The following MTOR variants were observed in gnomAD, a reference collection of about 807,000 sequenced individuals.
MTOR encodes the protein serine/threonine-protein kinase mTOR.
A neutral mutation model predicts 319.8 loss-of-function variants in MTOR; 70 were observed. The ratio of observed to expected loss-of-function variants is 0.22; its 90% CI spans 0.18 to 0.27. MTOR has a LOEUF of 0.27. MTOR is among the 10% of genes least tolerant of loss of function. MTOR has a pLI of 1.00. For synonymous variants in MTOR, 1,183 were observed against 1,211.4 expected (o/e 0.98, Z 0.49); for missense variants, 1,890 against 3,274.4 (o/e 0.58, Z 10.32).
chr1:11,189,556 C>T (rs1645442933), intron 28 of MTOR: 7 of 1,566,340 alleles, frequency 4.5e-6, no homozygotes, highest in Non-Finnish European at 6.0e-6. Context: ...AAGGAAGAGC[C>T]TTCCTCACCC....
At chr1:11,247,494 T>C (rs1649002432) in intron 8 of MTOR, 131 bp downstream of exon 8, 1 of 745,264 alleles carries the variant, frequency 1.3e-6, no homozygotes, top group Non-Finnish European at 2.2e-6. Flanking sequence ...AGCATTGAAA[T>C]TGGACATGAG....
At chr1:11,107,755 AG>A (rs1641648131) in intron 57 of MTOR, among the ~76,000 whole-genome samples, 1 of 152,172 alleles carries the variant, frequency 6.6e-6, no homozygotes, top group Admixed American at 6.5e-5. Flanking sequence ...AATTAATCAA[AG>A]CACACCCCAG....
At position 11,210,796 on chromosome 1, in the gene MTOR, A is replaced by T; in HGVS notation, c.3654+18T>A. ...AAAGACAACAGGGACTTCAGAACAG[A>T]AAAGAAGTATAGTTCACCTTGACAA... On this transcript the variant is annotated intron_variant, in intron 24 of 57. Coordinates refer to ENST00000361445, the MANE Select transcript of MTOR (RefSeq NM_004958.4). 1.3e-6 allele frequency: 2 copies of T among 1,568,776 alleles called. No homozygotes were observed.
chr1:11,122,038 G>A lies in MTOR; in HGVS notation c.6751C>T (p.Arg2251Trp), dbSNP rs1365408542. 6.8e-6 allele frequency: 11 copies of A among 1,614,178 alleles called. No homozygotes were observed. The highest frequency in any genetic ancestry group is 4.5e-5 in the East Asian group (2 of 44,884). ...PHCDTLHALI[R>W]DYREKKKILL... ...ATCTTCTTCTTCTCCCTGTAGTCCC[G>A]GATGAGGGCGTGCAGTGTGTCACAG... The change falls in exon 48 of 58, where the codon CGG becomes TGG. Residue 2251 changes from arginine to tryptophan, a missense_variant. Arg to Trp is a moderately radical substitution (Grantham distance 101). Around this residue, in one of 15 missense-constraint regions of MTOR, gnomAD observed 249 missense variants for 596.2 expected, o/e 0.42. Coordinates refer to ENST00000361445, the MANE Select transcript of MTOR (RefSeq NM_004958.4).
At chr1:11,116,691 G>C (rs1375918700) in intron 50 of MTOR, among the ~76,000 whole-genome samples, 2 of 152,118 alleles carry the variant, frequency 1.3e-5, no homozygotes, top group East Asian at 3.9e-4. Flanking sequence ...TTGAGATGGG[G>C]TCTTGCTATT....
rs372286764 is a variant in MTOR at position 11,132,965 on chromosome 1, A to G, written c.5364+115T>C. On this transcript the variant is annotated intron_variant, in intron 38 of 57. Transcript: ENST00000361445. ...ATAGATAGGCTCCAGGGACTCAAGG[A>G]GTAAGTTCACAGCATCAGCCTAGCT... 32 of 837,496 alleles carry G rather than the reference A, an allele frequency of 3.8e-5. No individual in the cohort carries two copies. The East Asian group carries it at 3.9e-4, about 10-fold the overall frequency. 51.9% of individuals were successfully genotyped at this position (837,496 alleles called of 1,614,324 possible). A position where few individuals can be genotyped will look rare whatever the true frequency, so the allele number is the denominator to read the frequency against.
intron 9 of MTOR, among the ~76,000 whole-genome samples, chr1:11,241,898 T>C (rs1485292635): frequency 6.6e-6 from 1 of 152,148 alleles, no homozygotes; most frequent in East Asian, 1.9e-4. Flanking sequence ...CAGTAAAGTG[T>C]CTTAAGGAAG....
At chr1:11,219,203 G>T (rs890942711) in intron 19 of MTOR, among the ~76,000 whole-genome samples, 29 of 148,762 alleles carry the variant, frequency 1.9e-4, no homozygotes, top group African/African-American at 7.0e-4. Flanking sequence ...AACAAAGTGA[G>T]ACCCTGTTTC....
intron 45 of MTOR, 59 bp from the exon 46 acceptor site, chr1:11,126,855 T>C (rs891211412): frequency 1.6e-5 from 26 of 1,588,300 alleles, no homozygotes; most frequent in Non-Finnish European, 2.2e-5. Flanking sequence ...TTAAACGCAA[T>C]TTAAGTATTT....
chr1:11,192,216 C>T (rs1645565745), intron 28 of MTOR: 2 of 1,340,504 alleles, frequency 1.5e-6, no homozygotes, highest in African/African-American at 2.9e-5. Flanking sequence ...AAACACTCAA[C>T]TCAGATGGAG....
intron 28 of MTOR, among the ~76,000 whole-genome samples, chr1:11,185,198 A>G (rs546077623): frequency 1.3e-5 from 2 of 152,080 alleles, no homozygotes; most frequent in Non-Finnish European, 2.9e-5. Context: ...GGATTGTGCA[A>G]CTTGAGTGGA....
chr1:11,184,066 CT>C (rs1200461914), intron 28 of MTOR, among the ~76,000 whole-genome samples: 1 of 152,210 alleles, frequency 6.6e-6, no homozygotes, highest in Non-Finnish European at 1.5e-5. Flanking sequence ...CTTACTGCAG[CT>C]TTATGATAAA....
chr1:11,125,645 G>A (rs764166061), intron 46 of MTOR, among the ~76,000 whole-genome samples: 36 of 150,840 alleles, frequency 2.4e-4, no homozygotes, highest in Non-Finnish European at 1.3e-4. Context: ...CACGAGAATC[G>A]CTTGAACTCA....
chr1:11,112,563 T>A (rs1449394910), intron 54 of MTOR, among the ~76,000 whole-genome samples: 4 of 152,190 alleles, frequency 2.6e-5, no homozygotes, highest in Non-Finnish European at 5.9e-5. Context: ...AAAACTAGAT[T>A]TACTTCCTTC....
At chr1:11,214,080 T>C (rs1040179649) in intron 20 of MTOR, among the ~76,000 whole-genome samples, 3 of 152,240 alleles carry the variant, frequency 2.0e-5, no homozygotes, top group Non-Finnish European at 4.4e-5. Context: ...TATTCTAGAA[T>C]GAACAGATGA....
At chr1:11,118,575 C>A (rs1303545745) in intron 49 of MTOR, among the ~76,000 whole-genome samples, 1 of 150,520 alleles carries the variant, frequency 6.6e-6, no homozygotes, top group Non-Finnish European at 1.5e-5. Context: ...ATTACCCAGG[C>A]TGGAGTGTAA....
chr1:11,177,523 A>C (rs1021749551), intron 28 of MTOR, among the ~76,000 whole-genome samples: 2 of 152,184 alleles, frequency 1.3e-5, no homozygotes, highest in African/African-American at 4.8e-5. Context: ...GCACCACTGC[A>C]CTCCAGACTG....
rs756389803 is a variant in MTOR, at chr1:11,108,172, C to A, written c.7634+9G>T. On this transcript the variant is annotated intron_variant, in intron 57 of 57. Coordinates refer to ENST00000361445, the MANE Select transcript of MTOR (RefSeq NM_004958.4). ...ATTTTAACAAAGTCACTTTGAGAGC[C>A]CCACTCACCAGCCAATATAGCACTG... The A allele has an allele frequency of 6.2e-7, 1 of 1,609,578 alleles. No individual in the cohort carries two copies. Among genetic ancestry groups the A allele is most frequent in the Non-Finnish European group, 8.5e-7 (1 of 1,176,150 alleles).
intron 6 of MTOR, among the ~76,000 whole-genome samples, chr1:11,253,007 A>G (rs1649894766): frequency 6.6e-6 from 1 of 152,176 alleles, no homozygotes; most frequent in Admixed American, 6.5e-5. Context: ...CAATGACAGA[A>G]CACAGTAGGG....
Sources: allele counts gnomAD v4.1 joint callset (sites outside exome capture counted in the v4.1 genomes callset), GRCh38; gene constraint gnomAD v4.1.1; regional missense constraint gnomAD v4.1.1; transcripts MANE v1.5; gene names NCBI Gene and HGNC (gene_info 2026-07-23, HGNC 2026-07-21).